The following NEGR1 variants were observed in gnomAD, a reference collection of about 807,000 sequenced individuals.
The protein encoded by NEGR1 is IgLON family member 4.
NEGR1 carries 10 observed loss-of-function variants against 40.9 expected under a neutral mutation model. The observed-to-expected ratio is 0.24, with a 90% CI of 0.15 to 0.42. The LOEUF is 0.42. NEGR1 is among the 10% of genes least tolerant of loss of function. The pLI, the probability that NEGR1 is intolerant of heterozygous loss-of-function variation, is 1.00. For missense variants in NEGR1, 352 were observed against 438.9 expected, an observed-to-expected ratio of 0.80 and a Z score of 1.77; for synonymous variants, 185 against 166.8, an observed-to-expected ratio of 1.11 and a Z score of -0.84.
chr1:71,656,451 C>CA (rs1159305294), intron 4 of NEGR1, among the ~76,000 whole-genome samples: 1 of 152,084 alleles, frequency 6.6e-6, no homozygotes, highest in African/African-American at 2.4e-5. Flanking sequence ...CTGGCTCTGT[C>CA]GCCCAAGCTG....
intron 1 of NEGR1, among the ~76,000 whole-genome samples, chr1:71,961,311 T>C (rs1331023089): frequency 1.3e-5 from 2 of 152,192 alleles, no homozygotes; most frequent in African/African-American, 4.8e-5. Context: ...ACATGTTTTA[T>C]TGAACATTAT....
intron 1 of NEGR1, among the ~76,000 whole-genome samples, chr1:72,190,441 G>A (rs544579023): frequency 2.6e-5 from 4 of 151,588 alleles, no homozygotes; most frequent in South Asian, 2.1e-4. Context: ...GATAATTAGC[G>A]ATGAATTACA....
chr1:71,832,607 C>G (rs781523420), intron 2 of NEGR1, among the ~76,000 whole-genome samples: 5 of 151,952 alleles, frequency 3.3e-5, no homozygotes, highest in Non-Finnish European at 7.4e-5. Flanking sequence ...GTTGGTAGGT[C>G]CTCAGTAAAG....
intron 2 of NEGR1, among the ~76,000 whole-genome samples, chr1:71,887,668 C>T (rs530283881): frequency 2.3e-4 from 35 of 152,140 alleles, no homozygotes; most frequent in Non-Finnish European, 4.1e-4. Flanking sequence ...ATCCTCCTTC[C>T]AGCTTTTTAA....
chr1:72,201,444 T>G (rs1653202437), intron 1 of NEGR1, among the ~76,000 whole-genome samples: 1 of 151,870 alleles, frequency 6.6e-6, no homozygotes, highest in Non-Finnish European at 1.5e-5. Flanking sequence ...TTATATCACA[T>G]ATTAGTGTAT....
intron 6 of NEGR1, among the ~76,000 whole-genome samples, chr1:71,583,301 T>C (rs1649195696): frequency 1.3e-5 from 2 of 152,158 alleles, no homozygotes; most frequent in African/African-American, 2.4e-5. Flanking sequence ...ATCATGATGG[T>C]GATATGTGGC....
At chr1:72,244,654 C>A (rs1654848484) in intron 1 of NEGR1, among the ~76,000 whole-genome samples, 1 of 151,836 alleles carries the variant, frequency 6.6e-6, no homozygotes, top group Non-Finnish European at 1.5e-5. Flanking sequence ...ACCATTGTTC[C>A]CCGGGGGACA....
At chr1:71,493,588 G>T (rs1360314520) in intron 6 of NEGR1, among the ~76,000 whole-genome samples, 3 of 151,890 alleles carry the variant, frequency 2.0e-5, no homozygotes, top group Non-Finnish European at 4.4e-5. Flanking sequence ...TTCCATAATT[G>T]AATCTGATAT....
intron 2 of NEGR1, among the ~76,000 whole-genome samples, chr1:71,788,997 T>C (rs1657015213): frequency 6.6e-6 from 1 of 152,110 alleles, no homozygotes; most frequent in Non-Finnish European, 1.5e-5. Context: ...ATAAAATATG[T>C]ATACCTTAAG....
intron 2 of NEGR1, among the ~76,000 whole-genome samples, chr1:71,886,599 C>T (rs939384499): frequency 3.9e-5 from 6 of 152,110 alleles, no homozygotes; most frequent in African/African-American, 1.2e-4. Flanking sequence ...TTTTTACCAT[C>T]AGTCTGCTTC....
At chr1:72,267,911 G>A (rs998353655) in intron 1 of NEGR1, among the ~76,000 whole-genome samples, 1 of 151,028 alleles carries the variant, frequency 6.6e-6, no homozygotes, top group African/African-American at 2.4e-5. Context: ...GTCAAAAACT[G>A]ATGATAAATT....
chr1:72,187,434 A>G (rs1448520145), intron 1 of NEGR1, among the ~76,000 whole-genome samples: 6 of 151,512 alleles, frequency 4.0e-5, no homozygotes, highest in African/African-American at 1.2e-4. Flanking sequence ...GATCAATTAA[A>G]CCAAGAATTT....
At chr1:72,008,525 C>A (rs534596076) in intron 1 of NEGR1, among the ~76,000 whole-genome samples, 1 of 152,166 alleles carries the variant, frequency 6.6e-6, no homozygotes, top group South Asian at 2.1e-4. Context: ...ATCTATTGGG[C>A]TGCTTTAAGA....
At chr1:71,559,034 T>TATAC (rs1557566270) in intron 6 of NEGR1, among the ~76,000 whole-genome samples, 2 of 120,498 alleles carry the variant, frequency 1.7e-5, no homozygotes, top group Non-Finnish European at 3.5e-5. Context: ...TATATATATA[T>TATAC]ATATATATAT....
intron 2 of NEGR1, among the ~76,000 whole-genome samples, chr1:71,807,562 T>G (rs1043283112): frequency 1.3e-5 from 2 of 152,198 alleles, no homozygotes; most frequent in African/African-American, 4.8e-5. Context: ...ATGGAAATTG[T>G]TCATGCTTAA....
intron 6 of NEGR1, among the ~76,000 whole-genome samples, chr1:71,529,050 T>C (rs1229837985): frequency 6.6e-6 from 1 of 151,134 alleles, no homozygotes; most frequent in Non-Finnish European, 1.5e-5. Flanking sequence ...TTTTTTACTA[T>C]GAATAACAAC....
chr1:71,749,776 AT>A (rs1352338038), intron 3 of NEGR1, among the ~76,000 whole-genome samples: 1 of 152,130 alleles, frequency 6.6e-6, no homozygotes, highest in East Asian at 1.9e-4. Context: ...TGTGTTGGAT[AT>A]TTTCTCCTCC....
intron 6 of NEGR1, among the ~76,000 whole-genome samples, chr1:71,491,607 T>A (rs1352637142): frequency 2.0e-5 from 3 of 150,854 alleles, no homozygotes; most frequent in African/African-American, 7.3e-5. Flanking sequence ...AAATATGACC[T>A]CACAGCAGAG....
chr1:72,246,487 T>C (rs982967088), intron 1 of NEGR1, among the ~76,000 whole-genome samples: 6 of 152,220 alleles, frequency 3.9e-5, no homozygotes, highest in Admixed American at 2.0e-4. Context: ...TGCCTAAAGA[T>C]AGCCCATTTA....
Sources: gnomAD v4.1 joint callset for allele counts (sites outside exome capture counted in the v4.1 genomes callset) on GRCh38, gnomAD v4.1.1 for gene constraint, MANE v1.5 for transcripts, NCBI Gene and HGNC (gene_info 2026-07-23, HGNC 2026-07-21) for gene names.